Variants in GRIN2B observed in about 807,000 individuals in gnomAD.
GRIN2B encodes the protein glutamate receptor ionotropic, NMDA 2B.
Under a neutral mutation model 114.5 loss-of-function variants are expected in GRIN2B, and 5 were observed. The ratio of observed to expected loss-of-function variants is 0.04; its 90% confidence interval spans 0.02 to 0.09. The LOEUF (loss-of-function observed/expected upper bound fraction) is 0.09, where lower values mean the gene tolerates loss of function less well. Ranked by LOEUF, GRIN2B falls within the 10% of genes least tolerant of loss-of-function variation. The probability of loss-of-function intolerance (pLI) is 1.00; values close to 1 mark genes in which losing one functional copy is unlikely to be tolerated. For synonymous variants in GRIN2B, 787 were observed against 745.1 expected, an observed-to-expected ratio of 1.06 and a Z score of -0.92; for missense variants, 1,108 against 1,943.5, an observed-to-expected ratio of 0.57 and a Z score of 8.08.
At chr12:13,799,301 G>C (rs1341744030) in intron 3 of GRIN2B, among the ~76,000 whole-genome samples, 1 of 152,172 alleles carries the variant, frequency 6.6e-6, no homozygotes, top group African/African-American at 2.4e-5. Context: ...AGTGGCAAAG[G>C]ATGGGTGACA....
chr12:13,843,977 C>T lies in GRIN2B; in HGVS notation c.411+21821G>A, dbSNP rs144147807. Among the ~76,000 whole-genome samples, 14 of 152,294 alleles carry T rather than the reference C, an allele frequency of 9.2e-5. No individual in the cohort carries two copies. In the East Asian group the frequency reaches 2.5e-3, roughly 27 times the overall value. ...CTACATTCAACAGCTCTGGAGTAGG[C>T]CAAAACCTTTTCTCCTCATTATCAC... is the stretch of plus-strand genomic sequence containing the variant. On this transcript the variant is annotated intron_variant, in intron 3 of 13. Transcript: ENST00000609686.
chr12:13,675,297 G>A (rs751798285), intron 5 of GRIN2B, among the ~76,000 whole-genome samples: 8 of 152,076 alleles, frequency 5.3e-5, no homozygotes, highest in Non-Finnish European at 8.8e-5. Context: ...TGATCAACTG[G>A]CAGTGGGAGA....
chr12:13,628,796 A>G (rs1366651238), intron 5 of GRIN2B, among the ~76,000 whole-genome samples: 1 of 152,242 alleles, frequency 6.6e-6, no homozygotes, highest in African/African-American at 2.4e-5. Context: ...CAGACCACAA[A>G]TCTGAATGTA....
intron 4 of GRIN2B, among the ~76,000 whole-genome samples, chr12:13,719,267 C>T (rs568442545): frequency 6.6e-6 from 1 of 152,062 alleles, no homozygotes; most frequent in African/African-American, 2.4e-5. Flanking sequence ...ATGTACAGTG[C>T]ATTCGGTCAC....
chr12:13,734,007 C>T (rs1342380032), intron 4 of GRIN2B, among the ~76,000 whole-genome samples: 1 of 152,114 alleles, frequency 6.6e-6, no homozygotes, highest in East Asian at 1.9e-4. Context: ...TGCCACTATA[C>T]CATACAGTCT....
chr12:13,898,687 G>A (rs937810183), intron 2 of GRIN2B, among the ~76,000 whole-genome samples: 13 of 152,010 alleles, frequency 8.6e-5, no homozygotes, highest in Admixed American at 8.5e-4. Flanking sequence ...CAAGGCGGGT[G>A]TATCACCTGA....
At chr12:13,919,960 C>T (rs951464731) in intron 2 of GRIN2B, among the ~76,000 whole-genome samples, 1 of 152,148 alleles carries the variant, frequency 6.6e-6, no homozygotes, top group Non-Finnish European at 1.5e-5. Context: ...CAGAGGAATA[C>T]ACCACAAAGC....
intron 2 of GRIN2B, among the ~76,000 whole-genome samples, chr12:13,941,934 T>A (rs1223751000): frequency 6.6e-6 from 1 of 152,218 alleles, no homozygotes; most frequent in Non-Finnish European, 1.5e-5. Flanking sequence ...AATGTTAGCA[T>A]GTTACTGCCC....
At chr12:13,864,901 G>A (rs138958767) in intron 3 of GRIN2B, among the ~76,000 whole-genome samples, 124 of 152,308 alleles carry the variant, frequency 8.1e-4, no homozygotes, top group African/African-American at 2.9e-3. Context: ...TCAGGCATCA[G>A]CAGTGTTGAA....
chr12:13,826,199 G>A (rs1865032294), intron 3 of GRIN2B, among the ~76,000 whole-genome samples: 1 of 152,174 alleles, frequency 6.6e-6, no homozygotes, highest in South Asian at 2.1e-4. Context: ...GGCCAGGCAA[G>A]GTGGTTCACT....
chr12:13,835,708 G>C (rs1865248039), intron 3 of GRIN2B, among the ~76,000 whole-genome samples: 1 of 149,902 alleles, frequency 6.7e-6, no homozygotes, highest in South Asian at 2.1e-4. Context: ...CATTCTCAGG[G>C]AGAAAGGCAG....
intron 5 of GRIN2B, among the ~76,000 whole-genome samples, chr12:13,622,572 T>G (rs1949528500): frequency 6.6e-6 from 1 of 152,190 alleles, no homozygotes; most frequent in African/African-American, 2.4e-5. Flanking sequence ...ATTTGTTTTC[T>G]GCTACTATAA....
chr12:13,682,041 T>G (rs904446808), intron 4 of GRIN2B, among the ~76,000 whole-genome samples: 4 of 152,158 alleles, frequency 2.6e-5, no homozygotes, highest in Admixed American at 6.5e-5. Flanking sequence ...AGACTGGTAT[T>G]GGAGAAAAGA....
intron 3 of GRIN2B, among the ~76,000 whole-genome samples, chr12:13,836,201 G>C (rs1213602934): frequency 6.6e-6 from 1 of 152,162 alleles, no homozygotes; most frequent in Non-Finnish European, 1.5e-5. Context: ...CAGCCCCACA[G>C]CAAACCTGCC....
At chr12:13,709,096 AC>A (rs1191525630) in intron 4 of GRIN2B, among the ~76,000 whole-genome samples, 1 of 152,070 alleles carries the variant, frequency 6.6e-6, no homozygotes, top group Non-Finnish European at 1.5e-5. Flanking sequence ...CCTACTTAAC[AC>A]AACTATGAAA....
chr12:13,798,856 T>G (rs1052576300), intron 3 of GRIN2B, among the ~76,000 whole-genome samples: 2 of 152,246 alleles, frequency 1.3e-5, no homozygotes, highest in Admixed American at 6.5e-5. Context: ...GGGTCTGTCA[T>G]TCCAGCATTG....
At position 13,825,496 on chromosome 12, in the gene GRIN2B, T is replaced by TTTTTTTGTGTGTGTG. The variant is rs375940899; in HGVS notation, c.411+40301_411+40302insCACACACACAAAAAA. Among the ~76,000 whole-genome samples, 14 of 122,970 alleles carry TTTTTTTGTGTGTGTG rather than the reference T, an allele frequency of 1.1e-4. No individual in the cohort carries two copies. In the South Asian group the frequency reaches 2.1e-3, roughly 19 times the overall value. The allele number at this position is 122,970 out of a possible 152,430, so 80.7% of individuals were successfully genotyped here. On this transcript the variant is annotated intron_variant, in intron 3 of 13. Coordinates refer to ENST00000609686, the MANE Select transcript of GRIN2B (RefSeq NM_000834.5). ...TATATATAATAAATATATATATATT[T>TTTTTTTGTGTGTGTG]TGTGTGTGTGTGTGTGTGTGTGTGT...
At chr12:13,943,842 C>T (rs1867311828) in intron 2 of GRIN2B, among the ~76,000 whole-genome samples, 1 of 152,142 alleles carries the variant, frequency 6.6e-6, no homozygotes. Flanking sequence ...CGTCTATGAT[C>T]ATATTTGCAT....
intron 4 of GRIN2B, among the ~76,000 whole-genome samples, chr12:13,687,990 T>C (rs1314481859): frequency 6.6e-6 from 1 of 152,220 alleles, no homozygotes; most frequent in Admixed American, 6.6e-5. Context: ...TTACCATTTA[T>C]TGAGCACATG....
Sources: gnomAD v4.1 joint callset for allele counts (sites outside exome capture counted in the v4.1 genomes callset) on GRCh38, gnomAD v4.1.1 for gene constraint, MANE v1.5 for transcripts, NCBI Gene and HGNC (gene_info 2026-07-23, HGNC 2026-07-21) for gene names.